The following MXRA7 variants were observed in gnomAD, a reference collection of about 807,000 sequenced individuals.
MXRA7 encodes the protein matrix-remodeling-associated protein 7.
Under a neutral mutation model 17.4 loss-of-function variants are expected in MXRA7, and 18 were observed. That is an observed-to-expected ratio of 1.03 (90% confidence interval 0.71 to 1.53). The LOEUF (loss-of-function observed/expected upper bound fraction) is 1.53, where lower values mean the gene tolerates loss of function less well. Among genes scored for constraint, MXRA7 ranks in the 40% most tolerant of loss-of-function variants. The pLI, the probability that MXRA7 is intolerant of heterozygous loss-of-function variation, is 0.00. For synonymous variants in MXRA7, 70 were observed against 101.7 expected (o/e 0.69, Z 1.87); for missense variants, 141 against 209.3 (o/e 0.67, Z 2.01).
At chr17:76,680,978 G>A in intron 3 of MXRA7, 99 bp from the exon 4 acceptor site, 1 of 990,840 alleles carries the variant, frequency 1.0e-6, no homozygotes, top group Non-Finnish European at 1.5e-6. Flanking sequence ...GAAGGAGAAT[G>A]TTTGGAATTG....
At chr17:76,677,672 G>T (rs142256981), downstream of MXRA7, 8 of 1,613,876 alleles carry the variant, frequency 5.0e-6, no homozygotes, top group Non-Finnish European at 6.8e-6. Flanking sequence ...TCATGAGCTT[G>T]AAGATGGCAG....
intron 1 of MXRA7, chr17:76,688,461 C>G (rs1271461955): frequency 3.7e-6 from 5 of 1,345,706 alleles, no homozygotes; most frequent in Non-Finnish European, 4.8e-6. Flanking sequence ...GTTGAGGCTT[C>G]TGTGTGCCAT....
At position 76,681,649 on chromosome 17, in the gene MXRA7, G is replaced by A. The variant is rs1440393846; in HGVS notation, c.501-770C>T. On this transcript the variant is annotated intron_variant, in intron 3 of 3. Coordinates refer to ENST00000449428, the MANE Select transcript of MXRA7 (RefSeq NM_198530.4). This position sits in a 1 kb window ranked among gnomAD's most constrained non-coding sequence, Gnocchi z 4.7. ...CAGCCCTGCAGACCTCAAATGGAGG[G>A]GTGGGTCCTGATCTATCAGAGCCAG... is the stretch of plus-strand genomic sequence containing the variant. 6.6e-6 allele frequency among the ~76,000 whole-genome samples: 1 copy of A among 152,174 alleles called. No homozygotes were observed. Among genetic ancestry groups the A allele is most frequent in the Non-Finnish European group, 1.5e-5 (1 of 68,034 alleles).
At chr17:76,697,077 T>A (rs1300789199) in intron 1 of MXRA7, among the ~76,000 whole-genome samples, 1 of 152,160 alleles carries the variant, frequency 6.6e-6, no homozygotes, top group African/African-American at 2.4e-5. Context: ...ATTCATATGC[T>A]GAAGCCTTGG....
chr17:76,697,412 G>C (rs2076543413), intron 1 of MXRA7, among the ~76,000 whole-genome samples: 1 of 152,186 alleles, frequency 6.6e-6, no homozygotes, highest in South Asian at 2.1e-4. Flanking sequence ...GTGGTGTTTT[G>C]TTATAGCAGC....
At position 76,681,042 on chromosome 17, in the gene MXRA7, C is replaced by T. The variant is rs1248946093; in HGVS notation, c.501-163G>A. Among the ~76,000 whole-genome samples the T allele has an allele frequency of 6.6e-6, 1 of 152,186 alleles. No individual in the cohort carries two copies. The highest frequency in any genetic ancestry group is 1.5e-5 in the Non-Finnish European group (1 of 68,042). On this transcript the variant is annotated intron_variant, in intron 3 of 3. Transcript: ENST00000449428. This position sits in a 1 kb window ranked among gnomAD's most constrained non-coding sequence, Gnocchi z 4.7. ...AAACCACTGCTGATTTGCTTCTCAT[C>T]GCTTGCAGCAAGACAGTCTGTGCCG...
chr17:76,702,510 T>C (rs1409956787), intron 1 of MXRA7, among the ~76,000 whole-genome samples: 1 of 148,662 alleles, frequency 6.7e-6, no homozygotes, highest in Non-Finnish European at 1.5e-5. Context: ...AGTAAATAAA[T>C]AAATAAAAGA....
chr17:76,706,309 ACG>A lies in MXRA7; in HGVS notation c.342+4294_342+4295del, dbSNP rs2076657911. On this transcript the variant is annotated intron_variant, in intron 1 of 3. Coordinates refer to ENST00000449428, the MANE Select transcript of MXRA7 (RefSeq NM_198530.4). ...GCCCACGCTGCCGTCACAGAGGCCC[ACG>A]CTGCCATCACAAAGGACCACGCTGC... 2.5e-4 allele frequency among the ~76,000 whole-genome samples: 25 copies of A among 100,218 alleles called. 2 individuals carry two copies. Among genetic ancestry groups the A allele is most frequent in the Non-Finnish European group, 4.7e-4 (21 of 44,692 alleles). The allele number at this position is 100,218 out of a possible 152,430, so 65.7% of individuals were successfully genotyped here.
At chr17:76,679,024 G>A (rs1388333772), downstream of MXRA7, among the ~76,000 whole-genome samples, 1 of 152,178 alleles carries the variant, frequency 6.6e-6, no homozygotes, top group African/African-American at 2.4e-5. Flanking sequence ...GTCAGGTGCA[G>A]TGGCTCATGC....
chr17:76,685,032 C>T, intron 3 of MXRA7, 40 bp downstream of exon 3: 1 of 1,567,678 alleles, frequency 6.4e-7, no homozygotes, highest in Non-Finnish European at 8.8e-7. Flanking sequence ...CCCCCTCCCC[C>T]AAGAGCCCGC....
chr17:76,690,864 T>C (rs952697738), intron 1 of MXRA7, among the ~76,000 whole-genome samples: 2 of 152,082 alleles, frequency 1.3e-5, no homozygotes, highest in African/African-American at 4.8e-5. Context: ...CATGCCACCA[T>C]GCCCAGCCCT....
intron 1 of MXRA7, among the ~76,000 whole-genome samples, chr17:76,704,200 A>ATTTTT (rs1162372827): frequency 1.6e-5 from 1 of 63,398 alleles, no homozygotes; most frequent in Non-Finnish European, 2.8e-5. Context: ...CTTCCTTCAG[A>ATTTTT]TTTTTTTTTT....
At chr17:76,687,207 C>G (rs905646072) in intron 2 of MXRA7, among the ~76,000 whole-genome samples, 1 of 152,194 alleles carries the variant, frequency 6.6e-6, no homozygotes, top group Non-Finnish European at 1.5e-5. Context: ...CAGCCCACCG[C>G]CTGCACCCAA....
chr17:76,699,839 G>A (rs1203149466), intron 1 of MXRA7, among the ~76,000 whole-genome samples: 1 of 152,240 alleles, frequency 6.6e-6, no homozygotes, highest in Non-Finnish European at 1.5e-5. Context: ...GCAAGGAGGA[G>A]GGGACAGAGT....
intron 1 of MXRA7, among the ~76,000 whole-genome samples, chr17:76,707,935 T>C (rs566900431): frequency 1.3e-5 from 2 of 152,342 alleles, no homozygotes; most frequent in African/African-American, 4.8e-5. Context: ...GCCCACCCTG[T>C]GCTAATCCTT....
chr17:76,692,017 C>T (rs890861801), intron 1 of MXRA7, among the ~76,000 whole-genome samples: 10 of 152,154 alleles, frequency 6.6e-5, no homozygotes, highest in Non-Finnish European at 8.8e-5. Context: ...TATCAGCTGA[C>T]GTGCCCAAGC....
chr17:76,679,291 A>AAAAGG (rs796135905), downstream of MXRA7, among the ~76,000 whole-genome samples: 12 of 150,474 alleles, frequency 8.0e-5, no homozygotes, highest in African/African-American at 2.4e-4. Context: ...CTGTCTCAAA[A>AAAAGG]AAAAAAAAAA....
At chr17:76,700,860 G>A (rs2143664375) in intron 1 of MXRA7, among the ~76,000 whole-genome samples, 1 of 152,276 alleles carries the variant, frequency 6.6e-6, no homozygotes. Flanking sequence ...CTGCTCACGG[G>A]GGCAAGGACA....
At chr17:76,691,524 G>T (rs2076478392) in intron 1 of MXRA7, among the ~76,000 whole-genome samples, 2 of 152,126 alleles carry the variant, frequency 1.3e-5, no homozygotes. Context: ...CTGAAGTAGG[G>T]GGCAGTCTGT....
Sources: allele counts gnomAD v4.1 joint callset (sites outside exome capture counted in the v4.1 genomes callset), GRCh38; gene constraint gnomAD v4.1.1; non-coding constraint Gnocchi (gnomAD v3.1); transcripts MANE v1.5; gene names NCBI Gene and HGNC (gene_info 2026-07-23, HGNC 2026-07-21).